The following RAB38 variants were observed in gnomAD, a reference collection of about 807,000 sequenced individuals.
RAB38 encodes RAB38, member RAS oncogene family.
Under a neutral mutation model 18.4 loss-of-function variants are expected in RAB38, and 15 were observed. The ratio of observed to expected loss-of-function variants is 0.82; its 90% confidence interval spans 0.55 to 1.26. RAB38 has a LOEUF of 1.26. RAB38 is among the 50% of genes most tolerant of loss of function. The pLI, the probability that RAB38 is intolerant of heterozygous loss-of-function variation, is 0.00. For synonymous variants in RAB38, 101 were observed against 104.4 expected (o/e 0.97, Z 0.20); for missense variants, 294 against 267.4 (o/e 1.10, Z -0.69).
the RAB38 span, among the ~76,000 whole-genome samples, chr11:88,068,595 A>G: frequency 0.32 from 48,736 of 152,088 alleles, 8,387 homozygotes; most frequent in South Asian, 0.4. Context: ...TACAATAAAA[A>G]TCAATACTTT....
the RAB38 span, among the ~76,000 whole-genome samples, chr11:88,015,510 T>C: frequency 6.6e-6 from 1 of 152,158 alleles, no homozygotes; most frequent in Middle Eastern, 3.2e-3. Context: ...AAGTGATCGA[T>C]AGGTATCAGC....
At chr11:87,905,300 T>C in the RAB38 span, among the ~76,000 whole-genome samples, 1 of 151,766 alleles carries the variant, frequency 6.6e-6, no homozygotes, top group Non-Finnish European at 1.5e-5. Context: ...TGACCATATT[T>C]ATAATAGCTA....
At chr11:87,924,563 A>G in the RAB38 span, among the ~76,000 whole-genome samples, 1 of 151,990 alleles carries the variant, frequency 6.6e-6, no homozygotes, top group Non-Finnish European at 1.5e-5. Flanking sequence ...ATTATGATGG[A>G]GGAGACCCTC....
the RAB38 span, among the ~76,000 whole-genome samples, chr11:87,850,772 A>C: frequency 6.6e-6 from 1 of 151,952 alleles, no homozygotes; most frequent in East Asian, 1.9e-4. Context: ...ATACATACAA[A>C]GAATGCCTCA....
chr11:88,024,689 G>A, the RAB38 span, among the ~76,000 whole-genome samples: 580 of 152,252 alleles, frequency 3.8e-3, 2 homozygotes, highest in African/African-American at 0.013. Context: ...GTACTATTCA[G>A]CTATAAAAAA....
At chr11:87,919,531 C>G in the RAB38 span, among the ~76,000 whole-genome samples, 1 of 151,768 alleles carries the variant, frequency 6.6e-6, no homozygotes. Flanking sequence ...TTTAATCCAT[C>G]ATTTATCAGG....
At chr11:88,041,573 T>C in the RAB38 span, among the ~76,000 whole-genome samples, 3 of 152,338 alleles carry the variant, frequency 2.0e-5, no homozygotes, top group African/African-American at 7.2e-5. Flanking sequence ...TAGAATGTTA[T>C]TAGCTCAACT....
the RAB38 span, among the ~76,000 whole-genome samples, chr11:87,890,050 C>T: frequency 1.2e-4 from 18 of 151,864 alleles, no homozygotes; most frequent in African/African-American, 4.1e-4. Context: ...CAGGACACTA[C>T]TCCAGTAATT....
the RAB38 span, among the ~76,000 whole-genome samples, chr11:87,832,838 C>T: frequency 6.6e-6 from 1 of 151,960 alleles, no homozygotes; most frequent in African/African-American, 2.4e-5. Context: ...CTACTAAGTC[C>T]CTTTTACCAT....
the RAB38 span, among the ~76,000 whole-genome samples, chr11:88,014,935 G>T: frequency 6.6e-6 from 1 of 152,148 alleles, no homozygotes; most frequent in Non-Finnish European, 1.5e-5. Flanking sequence ...CCTCTGGAAA[G>T]TTGTGGAGAC....
chr11:88,031,113 A>G, the RAB38 span, among the ~76,000 whole-genome samples: 21 of 151,892 alleles, frequency 1.4e-4, no homozygotes, highest in Middle Eastern at 3.4e-3. Flanking sequence ...TATAAACAGA[A>G]CCAAAGACAA....
At chr11:87,863,279 C>CTT in the RAB38 span, among the ~76,000 whole-genome samples, 3 of 151,696 alleles carry the variant, frequency 2.0e-5, no homozygotes, top group African/African-American at 7.3e-5. Flanking sequence ...AATAATCTTG[C>CTT]TTTTATAAGG....
chr11:88,025,458 C>G, the RAB38 span, among the ~76,000 whole-genome samples: 5 of 152,158 alleles, frequency 3.3e-5, no homozygotes, highest in Non-Finnish European at 7.4e-5. Context: ...AATCTCTAAC[C>G]TACTTTCCAC....
At chr11:88,121,794 C>G (rs903540948) in intron 2 of RAB38, among the ~76,000 whole-genome samples, 14 of 152,020 alleles carry the variant, frequency 9.2e-5, no homozygotes, top group African/African-American at 3.1e-4. Flanking sequence ...GATCTCCTGA[C>G]CTCGGGATCT....
intron 2 of RAB38, among the ~76,000 whole-genome samples, chr11:88,144,435 G>A (rs1014035126): frequency 6.6e-6 from 1 of 152,114 alleles, no homozygotes; most frequent in Non-Finnish European, 1.5e-5. Flanking sequence ...TCCTACGGCT[G>A]GAAATTCCCC....
the RAB38 span, among the ~76,000 whole-genome samples, chr11:87,959,792 C>T: frequency 6.6e-6 from 1 of 152,274 alleles, no homozygotes; most frequent in South Asian, 2.1e-4. Context: ...CCCAAGTCAA[C>T]TATATGAACA....
the RAB38 span, among the ~76,000 whole-genome samples, chr11:87,883,561 T>G: frequency 2.0e-5 from 3 of 151,904 alleles, no homozygotes; most frequent in African/African-American, 7.2e-5. Flanking sequence ...ATGGGACCTG[T>G]GAATATGTTG....
At chr11:87,872,182 C>T in the RAB38 span, among the ~76,000 whole-genome samples, 1 of 151,586 alleles carries the variant, frequency 6.6e-6, no homozygotes, top group South Asian at 2.1e-4. Flanking sequence ...TAGTAGTAAG[C>T]CATTGAATAC....
At chr11:87,882,974 C>T in the RAB38 span, among the ~76,000 whole-genome samples, 6 of 151,976 alleles carry the variant, frequency 3.9e-5, no homozygotes, top group African/African-American at 1.2e-4. Context: ...CAGCTATGTT[C>T]CAGAGGATTC....
Sources: allele counts gnomAD v4.1 joint callset (sites outside exome capture counted in the v4.1 genomes callset), GRCh38; gene constraint gnomAD v4.1.1; transcripts MANE v1.5; gene names NCBI Gene and HGNC (gene_info 2026-07-23, HGNC 2026-07-21).